Variants in ST8SIA5 observed in about 807,000 individuals in gnomAD.
The protein encoded by ST8SIA5 is ST8 alpha-N-acetyl-neuraminide alpha-2,8-sialyltransferase 5.
A neutral mutation model predicts 40.2 loss-of-function variants in ST8SIA5; 24 were observed. The observed-to-expected ratio is 0.60, with a 90% CI of 0.43 to 0.84. The LOEUF (loss-of-function observed/expected upper bound fraction) is 0.84. ST8SIA5 is among the 40% of genes least tolerant of loss of function. The pLI, the probability that ST8SIA5 is intolerant of heterozygous loss-of-function variation, is 0.00. For synonymous variants in ST8SIA5, 198 were observed against 201.8 expected (o/e 0.98, Z 0.16); for missense variants, 465 against 498.5 (o/e 0.93, Z 0.64).
chr18:46,731,010 C>T (rs1189776573), intron 1 of ST8SIA5, among the ~76,000 whole-genome samples: 1 of 152,172 alleles, frequency 6.6e-6, no homozygotes, highest in South Asian at 2.1e-4. Flanking sequence ...AACAACAACA[C>T]AGATGGTCAC....
At chr18:46,729,068 C>T (rs530795447) in intron 1 of ST8SIA5, among the ~76,000 whole-genome samples, 2 of 152,294 alleles carry the variant, frequency 1.3e-5, no homozygotes, top group East Asian at 1.9e-4. Context: ...TGCGCCCCAC[C>T]TGCCTCAATG....
chr18:46,686,291 G>A lies in ST8SIA5; in HGVS notation c.457-5C>T. On this transcript the variant is annotated splice_polypyrimidine_tract_variant and splice_region_variant and intron_variant, in intron 4 of 6. Coordinates refer to ENST00000315087, the MANE Select transcript of ST8SIA5 (RefSeq NM_013305.6). ...GGACCGGTAGTAGGGCATGTCCTGGGGGAGGCACAGGCACAGCTGTCAGAG... is the reference window on the plus strand; with the variant it reads ...GGACCGGTAGTAGGGCATGTCCTGGAGGAGGCACAGGCACAGCTGTCAGAG... The A allele has an allele frequency of 6.2e-7, 1 of 1,613,626 alleles. No homozygotes were observed.
At chr18:46,692,309 G>C (rs1040546391) in intron 2 of ST8SIA5, 54 bp from the exon 3 acceptor site, 14 of 1,544,602 alleles carry the variant, frequency 9.1e-6, no homozygotes, top group Admixed American at 1.7e-5. Flanking sequence ...GACAGAGCGC[G>C]ATCATTCCCA....
chr18:46,727,771 GT>G (rs1420666683), intron 1 of ST8SIA5, among the ~76,000 whole-genome samples: 1 of 152,110 alleles, frequency 6.6e-6, no homozygotes, highest in African/African-American at 2.4e-5. Context: ...CAGGGCCCAT[GT>G]TTCTTCCTTC....
chr18:46,681,830 A>G (rs542338598), intron 6 of ST8SIA5, 142 bp downstream of exon 6: 5 of 713,986 alleles, frequency 7.0e-6, no homozygotes, highest in Non-Finnish European at 9.2e-6. Context: ...CTGTTTTTGT[A>G]TTAAGTCTTT....
Position 46,672,832 on chromosome 18 carries a change from C to T in ST8SIA5, c.*7210G>A, listed in dbSNP as rs2039317240. 6.6e-6 allele frequency: 1 copy of T among 152,114 alleles called. No individual in the cohort carries two copies. Among genetic ancestry groups the T allele is most frequent in the East Asian group, 1.9e-4 (1 of 5,192 alleles). 9.4% of individuals were successfully genotyped at this position (152,114 alleles called of 1,614,324 possible). A position where few individuals can be genotyped will look rare whatever the true frequency, so the allele number is the denominator to read the frequency against. On this transcript the variant is annotated 3_prime_UTR_variant, in exon 7 of 7. Transcript: ENST00000315087. ...CCAACGACCAGCCCAGGACAACTGC[C>T]CAAGGCAAAAACAAAAACAAAAATC...
At chr18:46,704,326 C>T (rs752918602) in intron 2 of ST8SIA5, among the ~76,000 whole-genome samples, 12 of 152,238 alleles carry the variant, frequency 7.9e-5, no homozygotes, top group South Asian at 2.1e-4. Flanking sequence ...ACTTTAACAC[C>T]GAGTCACCAG....
intron 1 of ST8SIA5, among the ~76,000 whole-genome samples, chr18:46,756,065 G>GC (rs1236522382): frequency 6.6e-6 from 1 of 152,216 alleles, no homozygotes; most frequent in Non-Finnish European, 1.5e-5. Flanking sequence ...GGAGGACACC[G>GC]CTCCGATCCA....
chr18:46,693,299 C>A (rs2039526034), intron 2 of ST8SIA5, among the ~76,000 whole-genome samples: 1 of 152,202 alleles, frequency 6.6e-6, no homozygotes, highest in South Asian at 2.1e-4. Context: ...CCATCAAACA[C>A]CCACACAGTT....
chr18:46,703,246 C>T (rs569036050), intron 2 of ST8SIA5, among the ~76,000 whole-genome samples: 29 of 152,252 alleles, frequency 1.9e-4, no homozygotes, highest in African/African-American at 7.0e-4. Context: ...CCTGGGTTCA[C>T]GCCATTCTCC....
At chr18:46,723,017 T>C (rs1203006256) in intron 1 of ST8SIA5, 1 of 152,238 alleles carries the variant, frequency 6.6e-6, no homozygotes, top group Non-Finnish European at 1.5e-5. Context: ...GTACCTCCCA[T>C]GGAAATGCTC....
At chr18:46,742,225 A>T (rs1280577674) in intron 1 of ST8SIA5, among the ~76,000 whole-genome samples, 1 of 152,152 alleles carries the variant, frequency 6.6e-6, no homozygotes, top group African/African-American at 2.4e-5. Context: ...AAACATATTC[A>T]ATGATGACAC....
chr18:46,751,578 G>A (rs2040196132), intron 1 of ST8SIA5, among the ~76,000 whole-genome samples: 1 of 151,926 alleles, frequency 6.6e-6, no homozygotes, highest in South Asian at 2.1e-4. Context: ...TGTATTTTTA[G>A]TAGAGACAGG....
chr18:46,755,558 G>A (rs2040234935), intron 1 of ST8SIA5, among the ~76,000 whole-genome samples: 3 of 152,130 alleles, frequency 2.0e-5, no homozygotes, highest in Non-Finnish European at 4.4e-5. Context: ...TAAGCCAGCA[G>A]AGCCGGCAGA....
chr18:46,682,873 G>A (rs2039411373), intron 5 of ST8SIA5, among the ~76,000 whole-genome samples: 1 of 152,194 alleles, frequency 6.6e-6, no homozygotes, highest in African/African-American at 2.4e-5. Flanking sequence ...AGGAATGCAA[G>A]GAGCTTCTAG....
chr18:46,710,362 CT>C (rs1266209416), intron 1 of ST8SIA5, among the ~76,000 whole-genome samples: 51 of 91,926 alleles, frequency 5.5e-4, no homozygotes, highest in Non-Finnish European at 1.0e-3. Flanking sequence ...TTCCTTCTTT[CT>C]TTTCTTTCTT....
intron 1 of ST8SIA5, among the ~76,000 whole-genome samples, chr18:46,739,705 C>T (rs1821746438): frequency 6.6e-6 from 1 of 152,222 alleles, no homozygotes; most frequent in Admixed American, 6.5e-5. Flanking sequence ...GGTGCTGTGA[C>T]ATACCCCACC....
chr18:46,691,238 A>C (rs1272458332), intron 3 of ST8SIA5, among the ~76,000 whole-genome samples: 1 of 152,212 alleles, frequency 6.6e-6, no homozygotes, highest in Admixed American at 6.5e-5. Context: ...CTGATCTTCA[A>C]GTGTTATCAC....
At chr18:46,751,264 A>G (rs1168735328) in intron 1 of ST8SIA5, among the ~76,000 whole-genome samples, 1 of 152,176 alleles carries the variant, frequency 6.6e-6, no homozygotes, top group African/African-American at 2.4e-5. Flanking sequence ...TTCACTTAAC[A>G]CAAGGTCTCC....
Sources: allele counts gnomAD v4.1 joint callset (sites outside exome capture counted in the v4.1 genomes callset), GRCh38; gene constraint gnomAD v4.1.1; transcripts MANE v1.5; gene names NCBI Gene and HGNC (gene_info 2026-07-23, HGNC 2026-07-21).